The following ITGB6 variants were observed in gnomAD, a reference collection of about 807,000 sequenced individuals.
ITGB6 encodes integrin subunit beta 6.
In ITGB6, 80 loss-of-function variants were observed where a neutral mutation model predicts 84.5. That is an observed-to-expected ratio of 0.95 (90% CI 0.79 to 1.14). ITGB6 has a LOEUF of 1.14. Among genes scored for constraint, ITGB6 ranks in the 50% most tolerant of loss-of-function variants. The probability of loss-of-function intolerance (pLI) is 0.00; values close to 1 mark genes in which losing one functional copy is unlikely to be tolerated. For missense variants in ITGB6, 1,006 were observed against 968.0 expected (o/e 1.04, Z -0.52); for synonymous variants, 383 against 354.9 (o/e 1.08, Z -0.89).
intron 4 of ITGB6, among the ~76,000 whole-genome samples, chr2:160,187,227 T>C (rs1419514223): frequency 6.6e-6 from 1 of 152,222 alleles, no homozygotes; most frequent in Non-Finnish European, 1.5e-5. Context: ...TCATGAAATC[T>C]GGAAGGTCTG....
rs752297911 is a variant in ITGB6 at position 160,137,766 on chromosome 2, G to T, written c.1328C>A (p.Ala443Asp). Residue 443 changes from alanine to aspartate, a missense_variant, in exon 10 of 15, where the codon GCC (alanine) becomes GAC (aspartate). Ala to Asp is a moderately radical substitution (Grantham distance 126). Coordinates refer to ENST00000283249, the MANE Select transcript of ITGB6 (RefSeq NM_000888.5). Reference sequence around the variant, plus strand: ...TTCTGGGCTGACAAGTAATTCCAGGGCATCCCCCAGCCCCACAGGCTTTAT... The same window carrying T: ...TTCTGGGCTGACAAGTAATTCCAGGTCATCCCCCAGCCCCACAGGCTTTAT... ...IIIKPVGLGD[A>D]LELLVSPECN... 21 of 1,614,148 alleles carry T rather than the reference G, an allele frequency of 1.3e-5. No individual in the cohort carries two copies. The South Asian group carries it at 2.0e-4, about 15-fold the overall frequency.
chr2:160,189,827 C>T (rs959986247), intron 4 of ITGB6, among the ~76,000 whole-genome samples: 1 of 152,034 alleles, frequency 6.6e-6, no homozygotes, highest in African/African-American at 2.4e-5. Context: ...CTAGAAATAC[C>T]ATTTGACCCA....
intron 10 of ITGB6, among the ~76,000 whole-genome samples, chr2:160,137,073 A>G (rs2105817559): frequency 6.6e-6 from 1 of 152,264 alleles, no homozygotes; most frequent in South Asian, 2.1e-4. Flanking sequence ...AGAAAAAAAA[A>G]AAGAAAAGGT....
At chr2:160,169,384 T>C (rs1054219508) in intron 6 of ITGB6, 77 bp from the exon 7 acceptor site, 4 of 851,200 alleles carry the variant, frequency 4.7e-6, no homozygotes, top group Admixed American at 4.8e-5. Flanking sequence ...ATTTCAAAGA[T>C]ACCTTTTTGA....
chr2:160,175,345 G>A (rs1250957717), intron 4 of ITGB6, among the ~76,000 whole-genome samples: 5 of 152,174 alleles, frequency 3.3e-5, no homozygotes, highest in African/African-American at 4.8e-5. Context: ...ATTAATACTT[G>A]CCGTGTTTTC....
intron 7 of ITGB6, among the ~76,000 whole-genome samples, chr2:160,146,087 A>G (rs1684175469): frequency 6.6e-6 from 1 of 152,058 alleles, no homozygotes; most frequent in African/African-American, 2.4e-5. Context: ...CCCTCATTTG[A>G]TATAGACCAT....
intron 10 of ITGB6, among the ~76,000 whole-genome samples, chr2:160,131,805 T>G (rs1683480393): frequency 6.6e-6 from 1 of 152,182 alleles, no homozygotes; most frequent in Admixed American, 6.5e-5. Flanking sequence ...TGTACCTGAT[T>G]CAAAAGAGAC....
At chr2:160,176,891 G>T (rs747580751) in intron 4 of ITGB6, among the ~76,000 whole-genome samples, 12 of 152,180 alleles carry the variant, frequency 7.9e-5, no homozygotes, top group Admixed American at 2.0e-4. Context: ...CTATTGCTGA[G>T]CATTTATTTT....
intron 4 of ITGB6, among the ~76,000 whole-genome samples, chr2:160,176,707 T>C (rs542952578): frequency 6.6e-6 from 1 of 152,350 alleles, no homozygotes; most frequent in South Asian, 2.1e-4. Context: ...CAGACCTAAG[T>C]ACAGATAATG....
intron 1 of ITGB6, 100 bp downstream of exon 1, chr2:160,199,903 C>A: frequency 2.2e-6 from 2 of 908,962 alleles, no homozygotes; most frequent in Non-Finnish European, 3.6e-6. Flanking sequence ...AGCAATGGAA[C>A]AGATCAAATA....
At chr2:160,113,800 T>C (rs925684913) in intron 12 of ITGB6, among the ~76,000 whole-genome samples, 3 of 152,232 alleles carry the variant, frequency 2.0e-5, no homozygotes, top group Non-Finnish European at 4.4e-5. Context: ...GCAAATGGTA[T>C]TGCATATATA....
At chr2:160,105,411 CA>C (rs1696870845) in intron 14 of ITGB6, among the ~76,000 whole-genome samples, 1 of 152,224 alleles carries the variant, frequency 6.6e-6, no homozygotes, top group South Asian at 2.1e-4. Context: ...AATCACTTGT[CA>C]GTATTTATGC....
At chr2:160,153,386 T>G (rs554527722) in intron 7 of ITGB6, among the ~76,000 whole-genome samples, 10 of 152,360 alleles carry the variant, frequency 6.6e-5, no homozygotes, top group African/African-American at 2.4e-4. Context: ...GCTAGCCATA[T>G]GTAGAAAGCT....
chr2:160,120,879 G>A (rs1683004253), intron 12 of ITGB6, among the ~76,000 whole-genome samples: 1 of 146,340 alleles, frequency 6.8e-6, no homozygotes, highest in Admixed American at 6.9e-5. Context: ...CATGGACACA[G>A]GAAGGGGAAC....
rs57363305 is a variant in ITGB6, at chr2:160,108,214, AGTGTGT to A, written c.2102-375_2102-370del. Among the ~76,000 whole-genome samples, 555 of 142,808 alleles carry A rather than the reference AGTGTGT, an allele frequency of 3.9e-3. 1 individual carries two copies. The highest frequency in any genetic ancestry group is 4.9e-3 in the Non-Finnish European group (325 of 65,970). 93.7% of individuals were successfully genotyped at this position (142,808 alleles called of 152,430 possible). ...TGAGTTCACGATAAAGCAGAAATGG[AGTGTGT>A]GTGTGTGTGTGTGTGTGTGTGTGTG... On this transcript the variant is annotated intron_variant, in intron 13 of 14. Coordinates refer to ENST00000283249, the MANE Select transcript of ITGB6 (RefSeq NM_000888.5).
At chr2:160,186,721 T>C (rs995583480) in intron 4 of ITGB6, among the ~76,000 whole-genome samples, 2 of 152,084 alleles carry the variant, frequency 1.3e-5, no homozygotes, top group East Asian at 1.9e-4. Context: ...AACCCAAATG[T>C]CCATCAATGA....
At position 160,100,724 on chromosome 2, in the gene ITGB6, G is replaced by C. The variant is rs1696683633; in HGVS notation, c.*1012C>G. ...CACATGCAGCTGAAATGTGCAAGTT[G>C]GGTTACATAGATGGGAAAAGAGTAT... On this transcript the variant is annotated 3_prime_UTR_variant, in exon 15 of 15. Coordinates refer to ENST00000283249, the MANE Select transcript of ITGB6 (RefSeq NM_000888.5). 1 of 152,174 alleles carries C rather than the reference G, an allele frequency of 6.6e-6. No homozygotes were observed. The highest frequency in any genetic ancestry group is 2.1e-4 in the South Asian group (1 of 4,828). 9.4% of individuals were successfully genotyped at this position (152,174 alleles called of 1,614,324 possible).
intron 11 of ITGB6, among the ~76,000 whole-genome samples, chr2:160,124,149 T>C (rs1450653182): frequency 3.3e-5 from 5 of 152,266 alleles, no homozygotes; most frequent in African/African-American, 1.2e-4. Flanking sequence ...TGATTGCTCC[T>C]GATTGGTTAA....
At chr2:160,118,248 T>C (rs1399456669) in intron 12 of ITGB6, among the ~76,000 whole-genome samples, 7 of 152,186 alleles carry the variant, frequency 4.6e-5, no homozygotes, top group Non-Finnish European at 1.0e-4. Context: ...TGACGAACAT[T>C]GATGGAAAAA....
Sources: gnomAD v4.1 joint callset for allele counts (sites outside exome capture counted in the v4.1 genomes callset) on GRCh38, gnomAD v4.1.1 for gene constraint, MANE v1.5 for transcripts, NCBI Gene and HGNC (gene_info 2026-07-23, HGNC 2026-07-21) for gene names.